The following TMPRSS12 variants were observed in gnomAD, a reference collection of about 807,000 sequenced individuals.
TMPRSS12 encodes transmembrane protease serine 12.
A neutral mutation model predicts 26.0 loss-of-function variants in TMPRSS12; 25 were observed. The ratio of observed to expected loss-of-function variants is 0.96; its 90% CI spans 0.70 to 1.34. The LOEUF (loss-of-function observed/expected upper bound fraction) is 1.34, where lower values mean the gene tolerates loss of function less well. Ranked by LOEUF, TMPRSS12 falls within the 40% of genes most tolerant of loss-of-function variation. TMPRSS12 has a pLI of 0.00. For synonymous variants in TMPRSS12, 150 were observed against 161.7 expected, an observed-to-expected ratio of 0.93 and a Z score of 0.55; for missense variants, 441 against 440.1, an observed-to-expected ratio of 1.00 and a Z score of -0.02.
At chr12:50,871,140 G>A (rs759662556) in intron 3 of TMPRSS12, among the ~76,000 whole-genome samples, 2 of 152,054 alleles carry the variant, frequency 1.3e-5, no homozygotes, top group Non-Finnish European at 2.9e-5. Context: ...CAAAGCCAAA[G>A]CAAGATTAAG....
chr12:50,843,757 A>G, intron 1 of TMPRSS12, 85 bp from the exon 2 acceptor site: 1 of 1,337,490 alleles, frequency 7.5e-7, no homozygotes, highest in Non-Finnish European at 1.0e-6. Context: ...ATAGGAATTT[A>G]AAGGATTGCA....
At chr12:50,848,552 A>T (rs945728903) in intron 2 of TMPRSS12, among the ~76,000 whole-genome samples, 23 of 152,186 alleles carry the variant, frequency 1.5e-4, no homozygotes, top group African/African-American at 5.6e-4. Context: ...TGGCTTCCTT[A>T]TAACATGAAC....
rs759627216 is a variant in TMPRSS12 at position 50,843,709 on chromosome 12, C to T, written c.188-133C>T. On this transcript the variant is annotated intron_variant, in intron 1 of 4. Coordinates refer to ENST00000398458, the MANE Select transcript of TMPRSS12 (RefSeq NM_182559.3). Reference sequence around the variant, plus strand: ...CTCCAAGTTTCTTTCAAAATATGGGCGTGTCTCCGGTATGTTAGCTTGCTT... The same window carrying T: ...CTCCAAGTTTCTTTCAAAATATGGGTGTGTCTCCGGTATGTTAGCTTGCTT... 12 of 830,738 alleles carry T rather than the reference C, an allele frequency of 1.4e-5. No homozygotes were observed. The South Asian group carries it at 1.9e-4, about 13-fold the overall frequency. 51.5% of individuals were successfully genotyped at this position (830,738 alleles called of 1,614,324 possible). A position where few individuals can be genotyped will look rare whatever the true frequency, so the allele number is the denominator to read the frequency against.
At chr12:50,882,286 TAA>T (rs59323134) in intron 3 of TMPRSS12, among the ~76,000 whole-genome samples, 14,300 of 58,234 alleles carry the variant, frequency 0.25, 1,225 homozygotes, top group Non-Finnish European at 0.3. Flanking sequence ...CCCATCTCTC[TAA>T]AAAAAAAAAA....
At chr12:50,853,598 AAG>A (rs1491009518) in intron 2 of TMPRSS12, among the ~76,000 whole-genome samples, 33 of 149,050 alleles carry the variant, frequency 2.2e-4, no homozygotes, top group East Asian at 3.9e-4. Flanking sequence ...AAAAAAAAAA[AAG>A]AAGAAGGAGA....
chr12:50,856,058 G>A (rs1937873543), intron 2 of TMPRSS12, among the ~76,000 whole-genome samples: 1 of 152,174 alleles, frequency 6.6e-6, no homozygotes, highest in African/African-American at 2.4e-5. Flanking sequence ...GGGCCTACTT[G>A]AGGGTGGAGA....
At chr12:50,856,275 A>C (rs1211140108) in intron 2 of TMPRSS12, among the ~76,000 whole-genome samples, 1 of 152,076 alleles carries the variant, frequency 6.6e-6, no homozygotes, top group Non-Finnish European at 1.5e-5. Flanking sequence ...TCATCATGCA[A>C]TGCTCCTGTT....
In TMPRSS12 at chr12:50,887,476, T is replaced by C; in HGVS notation, c.1010T>C (p.Ile337Thr). 5 of 1,613,578 alleles carry C rather than the reference T, an allele frequency of 3.1e-6. No individual in the cohort carries two copies. The highest frequency in any genetic ancestry group is 4.2e-6 in the Non-Finnish European group (5 of 1,179,770). Residue 337 changes from isoleucine (I) to threonine (T), a missense_variant, in exon 5 of 5, where the codon ATA becomes ACA. By Grantham distance (89) the Ile-to-Thr change is moderately conservative. Transcript: ENST00000398458. Reference protein sequence around the residue: ...TINILRGQILIALCFVILLAT... With the variant: ...TINILRGQILTALCFVILLAT... Reference sequence around the variant, plus strand: ...AATATTTTACGTGGCCAGATCCTCATAGCTTTATGTTTTGTCATCTTACTA... The same window carrying C: ...AATATTTTACGTGGCCAGATCCTCACAGCTTTATGTTTTGTCATCTTACTA...
In TMPRSS12 at chr12:50,843,176, TG is replaced by T. The variant is rs367548578; in HGVS notation, c.187+29del. 2.1e-4 allele frequency: 324 copies of T among 1,527,890 alleles called. 2 individuals are homozygous for T. In the African/African-American group the frequency reaches 3.5e-3, roughly 16 times the overall value. 94.6% of individuals were successfully genotyped at this position (1,527,890 alleles called of 1,614,324 possible). A position where few individuals can be genotyped will look rare whatever the true frequency, so the allele number is the denominator to read the frequency against. On this transcript the variant is annotated intron_variant, in intron 1 of 4. Transcript: ENST00000398458. ...GGCAGTACCTGTTCGTGCCTGTCTC[TG>T]GGGAGCCTCTCTTACCTTTTCCCCA...
intron 3 of TMPRSS12, among the ~76,000 whole-genome samples, chr12:50,874,800 G>A (rs565702924): frequency 6.6e-5 from 10 of 151,740 alleles, no homozygotes; most frequent in Non-Finnish European, 8.8e-5. Flanking sequence ...TCAAGAATGC[G>A]ATGTCATTTA....
intron 2 of TMPRSS12, among the ~76,000 whole-genome samples, chr12:50,857,688 G>T (rs901100719): frequency 6.6e-6 from 1 of 152,076 alleles, no homozygotes; most frequent in South Asian, 2.1e-4. Context: ...GGCCAAGATC[G>T]ATGAGTTGCT....
At chr12:50,847,409 A>G in intron 2 of TMPRSS12, among the ~76,000 whole-genome samples, 1 of 151,996 alleles carries the variant, frequency 6.6e-6, no homozygotes, top group East Asian at 1.9e-4. Context: ...GGGGAAGTCC[A>G]CTTTTTCCCA....
rs140605798 is a variant in TMPRSS12, at chr12:50,844,762, T to C, written c.383+725T>C. Among the ~76,000 whole-genome samples the C allele has an allele frequency of 2.9e-4, 44 of 152,334 alleles. 1 individual carries two copies. In the East Asian group the frequency reaches 7.5e-3, roughly 26 times the overall value. ...GAAGGTCATATGGTCTCTCTCACAA[T>C]TGCATGAAAACCAGCACTGAAAATA... On this transcript the variant is annotated intron_variant, in intron 2 of 4. Coordinates refer to ENST00000398458, the MANE Select transcript of TMPRSS12 (RefSeq NM_182559.3).
intron 3 of TMPRSS12, among the ~76,000 whole-genome samples, chr12:50,876,001 A>G (rs1236636320): frequency 1.3e-5 from 2 of 152,186 alleles, no homozygotes; most frequent in South Asian, 2.1e-4. Flanking sequence ...TGCAAGCTAC[A>G]TATCCTACAA....
Position 50,885,314 on chromosome 12 carries a change from A to G in TMPRSS12, c.721A>G (p.Arg241Gly). 6.2e-7 allele frequency: 1 copy of G among 1,613,354 alleles called. No individual in the cohort carries two copies. The highest frequency in any genetic ancestry group is 1.1e-5 in the South Asian group (1 of 90,840). The change falls in exon 4 of 5, where the codon AGG (arginine) becomes GGG (glycine). Residue 241 changes from arginine to glycine, a missense_variant. Coordinates refer to ENST00000398458, the MANE Select transcript of TMPRSS12 (RefSeq NM_182559.3). ...TTCTCGAGAGATGTGTAATTCTGAG[A>G]GGAGTTATGGGGGAATAATTCCTAA... The part of the protein sequence containing the change: ...YISREMCNSE[R>G]SYGGIIPNTS...
intron 3 of TMPRSS12, among the ~76,000 whole-genome samples, 160 bp downstream of exon 3, chr12:50,859,213 T>C (rs1200827151): frequency 1.3e-5 from 2 of 148,516 alleles, no homozygotes; most frequent in African/African-American, 4.9e-5. Flanking sequence ...CGTATTTTTA[T>C]GGTACCTTTT....
At chr12:50,867,766 C>G (rs1357253509) in intron 3 of TMPRSS12, among the ~76,000 whole-genome samples, 1 of 152,178 alleles carries the variant, frequency 6.6e-6, no homozygotes, top group African/African-American at 2.4e-5. Flanking sequence ...ATCAGATTAA[C>G]AGCAAATTTT....
rs1443831720 is a variant in TMPRSS12 at position 50,855,630 on chromosome 12, C to T, written c.384-3155C>T. ...TGGGAATGGAAATTAGTTCAGTCCCCGTGGAAACCAGTACGGAGATTTCTC... is the reference window on the plus strand; with the variant it reads ...TGGGAATGGAAATTAGTTCAGTCCCTGTGGAAACCAGTACGGAGATTTCTC... On this transcript the variant is annotated intron_variant, in intron 2 of 4. Coordinates refer to ENST00000398458, the MANE Select transcript of TMPRSS12 (RefSeq NM_182559.3). Among the ~76,000 whole-genome samples, 3 of 152,246 alleles carry T rather than the reference C, an allele frequency of 2.0e-5. No homozygotes were observed. In the South Asian group the frequency reaches 6.2e-4, roughly 32 times the overall value.
chr12:50,864,876 G>A (rs1285086284), intron 3 of TMPRSS12, among the ~76,000 whole-genome samples: 1 of 151,996 alleles, frequency 6.6e-6, no homozygotes, highest in African/African-American at 2.4e-5. Flanking sequence ...AGCCAGGATG[G>A]TCTCGATCTC....
Sources: allele counts gnomAD v4.1 joint callset (sites outside exome capture counted in the v4.1 genomes callset), GRCh38; gene constraint gnomAD v4.1.1; transcripts MANE v1.5; gene names NCBI Gene and HGNC (gene_info 2026-07-23, HGNC 2026-07-21).